CCNT2: variants seen among roughly 807,000 people sequenced by gnomAD.
CCNT2 encodes cyclin T2.
In CCNT2, 18 loss-of-function variants were observed where a neutral mutation model predicts 70.0. That is an observed-to-expected ratio of 0.26 (90% CI 0.18 to 0.38). The LOEUF is 0.38. Among genes scored for constraint, CCNT2 ranks in the 10% least tolerant of loss-of-function variants. The pLI is 1.00. For synonymous variants in CCNT2, 334 were observed against 313.3 expected (o/e 1.07, Z -0.70); for missense variants, 734 against 890.2 (o/e 0.82, Z 2.23).
chr2:134,951,496 ATATAT>A (rs1400270732), intron 7 of CCNT2, among the ~76,000 whole-genome samples: 1 of 152,140 alleles, frequency 6.6e-6, no homozygotes, highest in Non-Finnish European at 1.5e-5. Context: ...TAGTTTGCTA[ATATAT>A]TAATAGTGTT....
At chr2:134,926,308 A>G (rs1365514020) in intron 2 of CCNT2, among the ~76,000 whole-genome samples, 2 of 152,168 alleles carry the variant, frequency 1.3e-5, no homozygotes, top group African/African-American at 2.4e-5. Flanking sequence ...AATTTCACAG[A>G]GCTCCCTTTT....
intron 2 of CCNT2, among the ~76,000 whole-genome samples, chr2:134,923,666 TTA>T (rs977441281): frequency 6.6e-6 from 1 of 152,228 alleles, no homozygotes; most frequent in Non-Finnish European, 1.5e-5. Context: ...GGTTGAAATT[TTA>T]TTAAGATCTC....
At position 134,958,190 on chromosome 2, in the gene CCNT2, C is replaced by CT. The variant is rs1200769649; in HGVS notation, c.*3548dup. On this transcript the variant is annotated 3_prime_UTR_variant, in exon 9 of 9. Transcript: ENST00000264157. ...TTTGCATTTTCTATAGACATGGGGA[C>CT]TTTTTTAACATGGTAACGTCTTAGG... 2 of 152,140 alleles carry CT rather than the reference C, an allele frequency of 1.3e-5. No homozygotes were observed. The highest frequency in any genetic ancestry group is 4.8e-5 in the African/African-American group (2 of 41,440). 9.4% of individuals were successfully genotyped at this position (152,140 alleles called of 1,614,324 possible).
At chr2:134,919,148 G>A (rs1397605026) in intron 1 of CCNT2, 136 bp downstream of exon 1, 28 of 1,017,618 alleles carry the variant, frequency 2.8e-5, no homozygotes, top group Non-Finnish European at 3.5e-5. Flanking sequence ...GTAATGTTCC[G>A]GCTCGGGCAG....
chr2:134,948,320 T>C (rs1051503066), intron 7 of CCNT2, among the ~76,000 whole-genome samples: 1 of 151,016 alleles, frequency 6.6e-6, no homozygotes, highest in Non-Finnish European at 1.5e-5. Flanking sequence ...CCACCAAATA[T>C]CTAAAGCTTT....
chr2:134,939,946 A>G (rs1337103280), intron 4 of CCNT2, among the ~76,000 whole-genome samples: 1 of 152,200 alleles, frequency 6.6e-6, no homozygotes, highest in Non-Finnish European at 1.5e-5. Flanking sequence ...GGAAGAACCT[A>G]CTAGGATGTG....
intron 2 of CCNT2, among the ~76,000 whole-genome samples, chr2:134,922,381 TAA>T (rs980079838): frequency 3.9e-5 from 6 of 152,202 alleles, no homozygotes; most frequent in African/African-American, 1.4e-4. Flanking sequence ...ATTGACATAT[TAA>T]AAGTTTTAAA....
intron 6 of CCNT2, among the ~76,000 whole-genome samples, chr2:134,947,326 T>G (rs1329826451): frequency 6.6e-6 from 1 of 152,202 alleles, no homozygotes; most frequent in Non-Finnish European, 1.5e-5. Flanking sequence ...TGAAATTACT[T>G]TGTCAATTTT....
intron 7 of CCNT2, among the ~76,000 whole-genome samples, chr2:134,949,052 ACT>A (rs1264642366): frequency 6.6e-6 from 1 of 150,756 alleles, no homozygotes; most frequent in Admixed American, 6.6e-5. Flanking sequence ...ACAGATACTC[ACT>A]CTGCCCCCCA....
intron 2 of CCNT2, among the ~76,000 whole-genome samples, chr2:134,930,144 T>C (rs1680635292): frequency 6.6e-6 from 1 of 152,192 alleles, no homozygotes; most frequent in Non-Finnish European, 1.5e-5. Context: ...TAAGCAGCAG[T>C]TCACCAGTCC....
chr2:134,926,270 A>AGGT (rs1680295252), intron 2 of CCNT2, among the ~76,000 whole-genome samples: 1 of 152,206 alleles, frequency 6.6e-6, no homozygotes, highest in African/African-American at 2.4e-5. Flanking sequence ...AACTTTAAAA[A>AGGT]GGTGATGTAC....
chr2:134,931,363 G>A (rs1446278148), intron 2 of CCNT2, among the ~76,000 whole-genome samples: 2 of 143,434 alleles, frequency 1.4e-5, no homozygotes, highest in African/African-American at 5.2e-5. Context: ...TCTTGGGATT[G>A]TTAGTGAAAA....
intron 1 of CCNT2, 40 bp from the exon 2 acceptor site, chr2:134,919,770 T>C: frequency 6.8e-7 from 1 of 1,477,710 alleles, no homozygotes; most frequent in South Asian, 1.2e-5. Flanking sequence ...GGGAATGAGA[T>C]CTTGCTTTTG....
chr2:134,937,463 A>T lies in CCNT2; in HGVS notation c.369+494A>T, dbSNP rs530790207. 2.0e-5 allele frequency among the ~76,000 whole-genome samples: 3 copies of T among 152,268 alleles called. No homozygotes were observed. The East Asian group carries it at 5.8e-4, about 29-fold the overall frequency. On this transcript the variant is annotated intron_variant, in intron 3 of 8. Transcript: ENST00000264157. The stretch of plus-strand genomic sequence containing the variant: ...AGCTGCATTTTATTTTGCTTTCATG[A>T]GCAGCATTTTTTTAGTATTTTAATT...
intron 4 of CCNT2, among the ~76,000 whole-genome samples, chr2:134,941,471 C>T (rs956639564): frequency 6.6e-6 from 1 of 152,082 alleles, no homozygotes; most frequent in Non-Finnish European, 1.5e-5. Context: ...TTCTGATCAA[C>T]GATAGTTAAG....
At chr2:134,925,124 G>A (rs190585584) in intron 2 of CCNT2, among the ~76,000 whole-genome samples, 4 of 152,174 alleles carry the variant, frequency 2.6e-5, no homozygotes, top group Non-Finnish European at 5.9e-5. Context: ...CTAAAGTCTG[G>A]TTGTCTCTCT....
chr2:134,942,705 TA>T (rs1681665240), intron 5 of CCNT2, 31 bp downstream of exon 5: 2 of 1,554,248 alleles, frequency 1.3e-6, no homozygotes, highest in African/African-American at 2.7e-5. Flanking sequence ...TTAAGATAAG[TA>T]TTAATGCTTT....
intron 2 of CCNT2, among the ~76,000 whole-genome samples, chr2:134,925,544 C>G (rs1680230377): frequency 6.6e-6 from 1 of 152,300 alleles, no homozygotes; most frequent in African/African-American, 2.4e-5. Context: ...TGACTGACTT[C>G]TTTCACTTAC....
At chr2:134,933,057 A>G (rs916373808) in intron 2 of CCNT2, among the ~76,000 whole-genome samples, 3 of 152,178 alleles carry the variant, frequency 2.0e-5, no homozygotes, top group African/African-American at 7.2e-5. Flanking sequence ...GTTTAGGGCA[A>G]TGGGAGAAAT....
Sources: gnomAD v4.1 joint callset for allele counts (sites outside exome capture counted in the v4.1 genomes callset) on GRCh38, gnomAD v4.1.1 for gene constraint, MANE v1.5 for transcripts, NCBI Gene and HGNC (gene_info 2026-07-23, HGNC 2026-07-21) for gene names.